FAM161B: variants seen among roughly 807,000 people sequenced by gnomAD.
FAM161B encodes the protein FAM161 centrosomal protein B.
A neutral mutation model predicts 61.5 loss-of-function variants in FAM161B; 46 were observed. The observed-to-expected ratio is 0.75, with a 90% CI of 0.59 to 0.96. The LOEUF (loss-of-function observed/expected upper bound fraction) is 0.96, where lower values mean the gene tolerates loss of function less well. FAM161B is among the 40% of genes least tolerant of loss of function. The probability of loss-of-function intolerance (pLI) is 0.00; values close to 1 mark genes in which losing one functional copy is unlikely to be tolerated. For missense variants in FAM161B, 774 were observed against 800.7 expected (o/e 0.97, Z 0.40); for synonymous variants, 284 against 302.7 (o/e 0.94, Z 0.64).
At chr14:73,945,694 G>A (rs1349309651) in intron 2 of FAM161B, among the ~76,000 whole-genome samples, 1 of 151,984 alleles carries the variant, frequency 6.6e-6, no homozygotes, top group Non-Finnish European at 1.5e-5. Context: ...TTCCCAAAGT[G>A]CTGGAATTAG....
intron 4 of FAM161B, among the ~76,000 whole-genome samples, chr14:73,942,032 G>A (rs1414861497): frequency 6.6e-6 from 1 of 152,016 alleles, no homozygotes; most frequent in African/African-American, 2.4e-5. Flanking sequence ...TTTTAGATGG[G>A]GTCTCACTCT....
At chr14:73,948,976 T>G (rs2056096886) in intron 1 of FAM161B, among the ~76,000 whole-genome samples, 2 of 152,066 alleles carry the variant, frequency 1.3e-5, no homozygotes, top group Admixed American at 6.6e-5. Flanking sequence ...TAGAGTGCAG[T>G]GGTGCAATCT....
At chr14:73,925,983 G>A in the FAM161B span, among the ~76,000 whole-genome samples, 1 of 152,212 alleles carries the variant, frequency 6.6e-6, no homozygotes, top group South Asian at 2.1e-4. Context: ...ACAGTGAGCA[G>A]TGACTGTGCC....
At chr14:73,929,340 A>G (rs551105929), downstream of FAM161B, among the ~76,000 whole-genome samples, 3 of 151,642 alleles carry the variant, frequency 2.0e-5, no homozygotes, top group South Asian at 4.2e-4. Flanking sequence ...ATAACTTGCT[A>G]TTTCTCCAGT....
chr14:73,935,863 G>T, intron 8 of FAM161B, 86 bp downstream of exon 8: 1 of 1,406,788 alleles, frequency 7.1e-7, no homozygotes, highest in Non-Finnish European at 9.6e-7. Flanking sequence ...CAAAATACCA[G>T]TGGCTATTCT....
downstream of FAM161B, among the ~76,000 whole-genome samples, chr14:73,929,813 T>TA (rs376052758): frequency 0.075 from 10,857 of 144,984 alleles, 529 homozygotes; most frequent in African/African-American, 0.15. Flanking sequence ...CCAAACTCTT[T>TA]AAAAAAAAAA....
rs760858821 is a variant in FAM161B at position 73,937,948 on chromosome 14, C to G, written c.1565G>C (p.Arg522Pro). ...EVFKAKLKEN[R>P]NNDRKRAKEY... ...CTTTTGACACATAGAGGACACTGAC[C>G]GGTTCTCTTTCAGCTTTGCTTTGAA... The change falls in exon 6 of 9, where the codon CGG becomes CCG. Residue 522 changes from arginine to proline, a missense_variant and splice_region_variant. Transcript: ENST00000286544. 2 of 1,614,166 alleles carry G rather than the reference C, an allele frequency of 1.2e-6. No individual in the cohort carries two copies. Among genetic ancestry groups the G allele is most frequent in the South Asian group, 2.2e-5 (2 of 91,086 alleles).
chr14:73,926,952 CAGTTGATCTTAAGATTGACTGGT>C (rs1338038943), downstream of FAM161B, among the ~76,000 whole-genome samples: 1 of 152,190 alleles, frequency 6.6e-6, no homozygotes, highest in African/African-American at 2.4e-5. Flanking sequence ...ACATGACAAT[CAGTTGATCTTAAGATTGACTGGT>C]AGGTTATGTA....
intron 3 of FAM161B, among the ~76,000 whole-genome samples, chr14:73,943,972 G>C (rs2140347813): frequency 6.6e-6 from 1 of 152,334 alleles, no homozygotes; most frequent in African/African-American, 2.4e-5. Flanking sequence ...AAGGAGCCAT[G>C]GGGGAGCATC....
At chr14:73,923,292 T>C in the FAM161B span, 2 of 1,281,446 alleles carry the variant, frequency 1.6e-6, no homozygotes, top group Non-Finnish European at 2.1e-6. Context: ...ATGTGGGAAA[T>C]AGAGGAATAG....
At chr14:73,937,503 C>G (rs1303089380) in intron 7 of FAM161B, 99 bp downstream of exon 7, 21 of 1,120,410 alleles carry the variant, frequency 1.9e-5, no homozygotes. Flanking sequence ...TTCTGGGCCT[C>G]AAGGAAAATT....
chr14:73,937,273 G>A (rs1481245862), intron 7 of FAM161B, among the ~76,000 whole-genome samples: 1 of 152,102 alleles, frequency 6.6e-6, no homozygotes. Flanking sequence ...ACTGTGAACA[G>A]TGGCTCCAGA....
chr14:73,924,572 A>G, the FAM161B span: 3 of 371,302 alleles, frequency 8.1e-6, no homozygotes, highest in South Asian at 6.1e-5. Flanking sequence ...TGACTTCATC[A>G]CGAGCACATT....
chr14:73,948,641 A>G (rs980382953), intron 1 of FAM161B, among the ~76,000 whole-genome samples: 12 of 152,216 alleles, frequency 7.9e-5, no homozygotes, highest in African/African-American at 2.9e-4. Flanking sequence ...TAAAGTGTAC[A>G]ATTCAGTGGT....
rs758448615 is a variant in FAM161B, at chr14:73,946,574, T to C, written c.86A>G (p.Glu29Gly). 4.3e-6 allele frequency: 7 copies of C among 1,613,912 alleles called. No homozygotes were observed. The Admixed American group carries it at 1.0e-4, about 23-fold the overall frequency. ...ATCCCCGGACAGCTCCTCTCCTGCC[T>C]CTGTGTCTGCGAAGGACTCGGGGGG... ...IFPPESFADTEAGEELSGDGL... is the reference protein window; with the variant it reads ...IFPPESFADTGAGEELSGDGL... Residue 29 changes from glutamate to glycine, a missense_variant, in exon 2 of 9, where the codon GAG becomes GGG. Glu to Gly is a moderately conservative substitution (Grantham distance 98). Coordinates refer to ENST00000286544, the MANE Select transcript of FAM161B (RefSeq NM_152445.3).
chr14:73,942,687 G>T lies in FAM161B; in HGVS notation c.954C>A (p.Ile318=), dbSNP rs2056030408. 1 of 1,613,576 alleles carries T rather than the reference G, an allele frequency of 6.2e-7. No homozygotes were observed. The highest frequency in any genetic ancestry group is 1.3e-5 in the African/African-American group (1 of 74,908). Reference sequence around the variant, plus strand: ...GGAGCATGTCCAGGGCTCTCATTTGGATGCGAATTTTCCTGAAGAGCTCAG... The same window carrying T: ...GGAGCATGTCCAGGGCTCTCATTTGTATGCGAATTTTCCTGAAGAGCTCAG... The part of the protein sequence containing the change: ...QEAELFRKIR[I]QMRALDMLQM... The change falls in exon 4 of 9, where the codon ATC becomes ATA. Residue 318 remains isoleucine (I), a synonymous_variant. Transcript: ENST00000286544.
At chr14:73,927,832 A>ATTTTTT, downstream of FAM161B, 2 of 142,976 alleles carry the variant, frequency 1.4e-5, no homozygotes, top group South Asian at 4.5e-4. Flanking sequence ...TCAACCGGCA[A>ATTTTTT]TTTTTTTTTT....
intron 4 of FAM161B, 134 bp from the exon 5 acceptor site, chr14:73,941,187 G>A (rs373222135): frequency 4.4e-5 from 49 of 1,120,592 alleles, no homozygotes; most frequent in East Asian, 2.0e-4. Context: ...GCGCAATCTC[G>A]GCTCACTGCA....
chr14:73,949,995 C>G lies in FAM161B; in HGVS notation c.32G>C (p.Gly11Ala), dbSNP rs11848954. The G allele has an allele frequency of 0.01, 16,395 of 1,613,392 alleles. 294 individuals are homozygous for G. The highest frequency in any genetic ancestry group is 0.072 in the African/African-American group (5,388 of 75,042). Reference protein sequence around the residue: MTVGRPEGAPGGAEGSRQIFP... With the variant: MTVGRPEGAPAGAEGSRQIFP... ...CACCTGACGGCTCCCCTCCGCGCCT[C>G]CGGGGGCTCCCTCAGGCCTCCCCAC... Residue 11 changes from glycine (G) to alanine (A), a missense_variant, in exon 1 of 9, where the codon GGA becomes GCA. Gly to Ala is a moderately conservative substitution (Grantham distance 60). Transcript: ENST00000286544.
Sources: allele counts gnomAD v4.1 joint callset (sites outside exome capture counted in the v4.1 genomes callset), GRCh38; gene constraint gnomAD v4.1.1; transcripts MANE v1.5; gene names NCBI Gene and HGNC (gene_info 2026-07-23, HGNC 2026-07-21).